CFAP47: variants seen among roughly 807,000 people sequenced by gnomAD.
CFAP47 encodes cilia- and flagella-associated protein 47.
A neutral mutation model predicts 148.1 loss-of-function variants in CFAP47; 29 were observed. The observed-to-expected ratio is 0.20, with a 90% CI of 0.15 to 0.27. The LOEUF is 0.27. CFAP47 is among the 10% of genes least tolerant of loss of function. The pLI, the probability that CFAP47 is intolerant of heterozygous loss-of-function variation, is 1.00. For synonymous variants in CFAP47, 664 were observed against 577.3 expected (o/e 1.15, Z -2.15); for missense variants, 1,872 against 1,697.5 (o/e 1.10, Z -1.81).
chrX:36,118,518 G>A, intron 33 of CFAP47, among the ~76,000 whole-genome samples: 1 of 110,679 alleles, frequency 9.0e-6, no homozygotes, highest in Non-Finnish European at 1.9e-5. Context: ...CACCCAGGCT[G>A]GAATGCCGTG....
intron 60 of CFAP47, among the ~76,000 whole-genome samples, chrX:36,358,707 C>T (rs1168186569): frequency 1.8e-5 from 2 of 111,605 alleles, no homozygotes; most frequent in African/African-American, 6.5e-5. Flanking sequence ...TTGATAAACT[C>T]CTCTCACCCT....
intron 21 of CFAP47, among the ~76,000 whole-genome samples, chrX:36,009,519 A>C (rs1937016057): frequency 1.8e-5 from 2 of 112,220 alleles, no homozygotes. Context: ...TTATTCCTTG[A>C]TGTCTGCAAG....
chrX:36,349,494 C>G (rs1389759241), intron 58 of CFAP47, among the ~76,000 whole-genome samples: 1 of 111,365 alleles, frequency 9.0e-6, no homozygotes, highest in Admixed American at 9.6e-5. Flanking sequence ...AACTCCTGAC[C>G]TCAAGTGATC....
chrX:35,944,061 CA>C (rs2050545244), intron 3 of CFAP47, among the ~76,000 whole-genome samples: 1 of 111,105 alleles, frequency 9.0e-6, no homozygotes, highest in South Asian at 3.8e-4. Context: ...CTACTTTGTC[CA>C]AAATATATGA....
intron 27 of CFAP47, among the ~76,000 whole-genome samples, chrX:36,068,813 G>A (rs1394670629): frequency 9.2e-6 from 1 of 109,261 alleles, no homozygotes; most frequent in Non-Finnish European, 1.9e-5. Context: ...AAAATTAGCT[G>A]GGTATGGGGG....
At chrX:36,250,653 A>C (rs1394736126) in intron 48 of CFAP47, among the ~76,000 whole-genome samples, 4 of 110,714 alleles carry the variant, frequency 3.6e-5, no homozygotes, top group African/African-American at 1.3e-4. Context: ...ATATATATAT[A>C]TCAAAACATC....
intron 45 of CFAP47, among the ~76,000 whole-genome samples, chrX:36,224,468 A>C (rs1940247761): frequency 8.9e-6 from 1 of 111,880 alleles, no homozygotes; most frequent in Non-Finnish European, 1.9e-5. Context: ...CTGCCTTTAC[A>C]CAGGTTTTGT....
At chrX:36,084,908 T>G (rs1938052083) in intron 29 of CFAP47, among the ~76,000 whole-genome samples, 1 of 111,652 alleles carries the variant, frequency 9.0e-6, no homozygotes, top group Non-Finnish European at 1.9e-5. Context: ...TTGAAATCTA[T>G]CTTGGAAACT....
chrX:36,316,676 T>G (rs1941436337), intron 56 of CFAP47, among the ~76,000 whole-genome samples: 1 of 112,405 alleles, frequency 8.9e-6, no homozygotes. Context: ...TGTTTCAACT[T>G]TCTAAAAAAT....
intron 45 of CFAP47, among the ~76,000 whole-genome samples, chrX:36,218,297 A>T (rs1301106865): frequency 8.9e-6 from 1 of 112,029 alleles, no homozygotes; most frequent in African/African-American, 3.2e-5. Context: ...TCTTTGGGTA[A>T]TTTTGTCTTC....
At chrX:36,323,397 A>G (rs781829412) in intron 57 of CFAP47, among the ~76,000 whole-genome samples, 1 of 108,996 alleles carries the variant, frequency 9.2e-6, no homozygotes. Context: ...AGGAAGTGAT[A>G]TGTATTTCAA....
At chrX:36,064,452 G>A (rs994271891) in intron 26 of CFAP47, among the ~76,000 whole-genome samples, 5 of 111,955 alleles carry the variant, frequency 4.5e-5, no homozygotes, top group South Asian at 3.7e-4. Context: ...AGAGAAAAAT[G>A]TAGTTCCTTT....
At chrX:36,127,736 T>A (rs1269400647) in intron 33 of CFAP47, among the ~76,000 whole-genome samples, 1 of 111,454 alleles carries the variant, frequency 9.0e-6, no homozygotes, top group Admixed American at 9.5e-5. Flanking sequence ...CATGGAATGT[T>A]TTTCCATTTG....
intron 35 of CFAP47, chrX:36,144,998 C>A: frequency 2.1e-6 from 1 of 487,555 alleles, no homozygotes; most frequent in Non-Finnish European, 3.2e-6. Context: ...CAGTTTGTAG[C>A]CAGCCTACTG....
intron 13 of CFAP47, among the ~76,000 whole-genome samples, chrX:35,972,260 C>T (rs758990478): frequency 2.7e-5 from 3 of 110,876 alleles, no homozygotes; most frequent in Non-Finnish European, 5.7e-5. Context: ...GACAGAGTCT[C>T]ACTCTGTTGC....
At chrX:36,049,908 C>T (rs922774053) in intron 26 of CFAP47, among the ~76,000 whole-genome samples, 2 of 110,955 alleles carry the variant, frequency 1.8e-5, no homozygotes, top group African/African-American at 6.6e-5. Flanking sequence ...GGTGAGTTAT[C>T]CTGTGCTGTT....
intron 39 of CFAP47, among the ~76,000 whole-genome samples, chrX:36,174,893 T>G (rs1281147215): frequency 9.0e-6 from 1 of 111,262 alleles, no homozygotes; most frequent in Admixed American, 9.4e-5. Context: ...TCCTGCAGAG[T>G]GTTTTCCAAC....
chrX:36,299,345 T>C (rs1941275848), intron 52 of CFAP47, among the ~76,000 whole-genome samples, 193 bp downstream of exon 52: 1 of 111,927 alleles, frequency 8.9e-6, no homozygotes, highest in African/African-American at 3.2e-5. Context: ...ATAGTATTTA[T>C]CAGAATATCA....
At chrX:36,179,109 C>G (rs1274153993) in intron 39 of CFAP47, among the ~76,000 whole-genome samples, 1 of 112,169 alleles carries the variant, frequency 8.9e-6, no homozygotes, top group Non-Finnish European at 1.9e-5. Flanking sequence ...TCAGTGCTGC[C>G]ATTCCATATA....
Sources: gnomAD v4.1 joint callset for allele counts (sites outside exome capture counted in the v4.1 genomes callset) on GRCh38, gnomAD v4.1.1 for gene constraint, MANE v1.5 for transcripts, NCBI Gene and HGNC (gene_info 2026-07-23, HGNC 2026-07-21) for gene names.